Variants in ZNF804B observed in about 807,000 individuals in gnomAD.
ZNF804B encodes the protein zinc finger protein 804B, also known as zinc finger 804B.
A neutral mutation model predicts 101.4 loss-of-function variants in ZNF804B; 80 were observed. The observed-to-expected ratio is 0.79, with a 90% CI of 0.66 to 0.95. The LOEUF (loss-of-function observed/expected upper bound fraction) is 0.95, where lower values mean the gene tolerates loss of function less well. ZNF804B is among the 40% of genes least tolerant of loss of function. The pLI is 0.00. For synonymous variants in ZNF804B, 622 were observed against 558.8 expected (o/e 1.11, Z -1.59); for missense variants, 1,673 against 1,561.9 (o/e 1.07, Z -1.20).
chr7:89,066,378 A>T (rs1025316377), intron 1 of ZNF804B, among the ~76,000 whole-genome samples: 6 of 152,012 alleles, frequency 3.9e-5, no homozygotes, highest in Non-Finnish European at 8.8e-5. Flanking sequence ...CAATAAAATC[A>T]TGTCCTATGG....
chr7:88,976,455 GA>G (rs1408655933), intron 1 of ZNF804B, among the ~76,000 whole-genome samples: 1 of 151,096 alleles, frequency 6.6e-6, no homozygotes, highest in Non-Finnish European at 1.5e-5. Flanking sequence ...TCAATGTAGA[GA>G]TTTTTTTGGT....
At chr7:89,248,933 G>T (rs1039456140) in intron 2 of ZNF804B, among the ~76,000 whole-genome samples, 1 of 149,664 alleles carries the variant, frequency 6.7e-6, no homozygotes, top group African/African-American at 2.5e-5. Flanking sequence ...TCAAAGTAAA[G>T]GATTGGAAAA....
intron 1 of ZNF804B, among the ~76,000 whole-genome samples, chr7:89,142,203 G>T (rs1313566066): frequency 6.6e-6 from 1 of 151,536 alleles, no homozygotes; most frequent in Non-Finnish European, 1.5e-5. Context: ...GGACTGAGAC[G>T]GAGCATTGTC....
intron 2 of ZNF804B, among the ~76,000 whole-genome samples, chr7:89,325,764 G>T (rs549514909): frequency 6.6e-6 from 1 of 151,686 alleles, no homozygotes; most frequent in Admixed American, 6.6e-5. Context: ...ATAATATGGG[G>T]TATTTATATT....
At chr7:89,209,800 A>G (rs987206317) in intron 1 of ZNF804B, among the ~76,000 whole-genome samples, 3 of 152,160 alleles carry the variant, frequency 2.0e-5, no homozygotes, top group Admixed American at 6.5e-5. Flanking sequence ...GAGTTTTTCT[A>G]AGTAATAAGT....
At chr7:89,212,525 C>G (rs1364949952) in intron 1 of ZNF804B, among the ~76,000 whole-genome samples, 2 of 152,090 alleles carry the variant, frequency 1.3e-5, no homozygotes, top group African/African-American at 4.8e-5. Flanking sequence ...TAAATATCAT[C>G]ATTCTCCAAA....
At chr7:89,082,497 C>T (rs575281306) in intron 1 of ZNF804B, among the ~76,000 whole-genome samples, 1 of 151,598 alleles carries the variant, frequency 6.6e-6, no homozygotes, top group Non-Finnish European at 1.5e-5. Context: ...AAACAAAATA[C>T]TTTTAATATA....
chr7:89,307,715 T>C (rs1224046086), intron 2 of ZNF804B, among the ~76,000 whole-genome samples: 1 of 152,072 alleles, frequency 6.6e-6, no homozygotes, highest in Non-Finnish European at 1.5e-5. Flanking sequence ...TATTTGCCTT[T>C]ACATGAGGCA....
At chr7:88,942,537 A>G (rs540402678) in intron 1 of ZNF804B, among the ~76,000 whole-genome samples, 71 of 145,324 alleles carry the variant, frequency 4.9e-4, no homozygotes, top group African/African-American at 1.8e-3. Flanking sequence ...TGTGTTTTGC[A>G]TTGAATTATC....
chr7:88,966,341 G>A (rs1793453821), intron 1 of ZNF804B, among the ~76,000 whole-genome samples: 1 of 151,530 alleles, frequency 6.6e-6, no homozygotes, highest in Non-Finnish European at 1.5e-5. Flanking sequence ...CAAAATGATT[G>A]TAACATTAAT....
chr7:89,336,440 A>G lies in ZNF804B; in HGVS notation c.3458A>G (p.Asp1153Gly), dbSNP rs1791092267. The G allele has an allele frequency of 1.2e-6, 2 of 1,613,956 alleles. No homozygotes were observed. The highest frequency in any genetic ancestry group is 1.7e-5 in the Admixed American group (1 of 59,968). ...CAACAGCCCATAACATTTTCTCCTG[A>G]CGAAATAGATAAATATAAGATCCTA... ...LIQQPITFSP[D>G]EIDKYKILQL... Residue 1153 changes from aspartate (D) to glycine (G), a missense_variant, in exon 4 of 4, where the codon GAC becomes GGC. Coordinates refer to ENST00000333190, the MANE Select transcript of ZNF804B (RefSeq NM_181646.5).
rs191393309 is a variant in ZNF804B, at chr7:89,090,813, T to A, written c.109-127342T>A. On this transcript the variant is annotated intron_variant, in intron 1 of 3. Transcript: ENST00000333190. Reference sequence around the variant, plus strand: ...TTGGCAGGCTGCATACAGGCACATGTATGCAAGTAAAAATATACATATACC... The same window carrying A: ...TTGGCAGGCTGCATACAGGCACATGAATGCAAGTAAAAATATACATATACC... Among the ~76,000 whole-genome samples the A allele has an allele frequency of 4.5e-4, 69 of 152,076 alleles. No individual in the cohort carries two copies. The East Asian group carries it at 0.013, about 29-fold the overall frequency.
At chr7:89,289,129 T>C (rs2115891884) in intron 2 of ZNF804B, among the ~76,000 whole-genome samples, 1 of 147,546 alleles carries the variant, frequency 6.8e-6, no homozygotes, top group Admixed American at 6.8e-5. Context: ...AACGATAAAA[T>C]GATTTGGTTA....
intron 1 of ZNF804B, among the ~76,000 whole-genome samples, chr7:89,018,799 A>T (rs573566943): frequency 6.6e-6 from 1 of 152,054 alleles, no homozygotes; most frequent in South Asian, 2.1e-4. Flanking sequence ...GTTCATTAGA[A>T]TCTCTAATAA....
At chr7:89,333,083 A>G (rs1791011862) in intron 3 of ZNF804B, among the ~76,000 whole-genome samples, 1 of 151,996 alleles carries the variant, frequency 6.6e-6, no homozygotes, top group Admixed American at 6.6e-5. Flanking sequence ...TCTATAGGAC[A>G]TATATTGTGA....
intron 1 of ZNF804B, among the ~76,000 whole-genome samples, chr7:89,053,109 A>G (rs183452264): frequency 6.6e-6 from 1 of 152,260 alleles, no homozygotes; most frequent in Admixed American, 6.5e-5. Context: ...GTTTTTATAA[A>G]ATTAAATAGA....
intron 1 of ZNF804B, among the ~76,000 whole-genome samples, chr7:89,043,614 A>G (rs1171853282): frequency 1.3e-5 from 2 of 152,222 alleles, no homozygotes; most frequent in African/African-American, 4.8e-5. Context: ...TTCTGTATTA[A>G]CTTTTGCAAA....
intron 2 of ZNF804B, among the ~76,000 whole-genome samples, chr7:89,258,978 A>ATT (rs113653865): frequency 3.4e-4 from 51 of 149,544 alleles, no homozygotes; most frequent in African/African-American, 1.2e-3. Context: ...TTTCTGTCTG[A>ATT]TTTTTTTTTT....
chr7:89,124,933 G>C (rs1311779737), intron 1 of ZNF804B, among the ~76,000 whole-genome samples: 1 of 151,972 alleles, frequency 6.6e-6, no homozygotes, highest in East Asian at 1.9e-4. Flanking sequence ...TGCCAGGACT[G>C]GCTGGATAGC....
Sources: allele counts gnomAD v4.1 joint callset (sites outside exome capture counted in the v4.1 genomes callset), GRCh38; gene constraint gnomAD v4.1.1; transcripts MANE v1.5; gene names NCBI Gene and HGNC (gene_info 2026-07-23, HGNC 2026-07-21).